Variants in HEATR3 observed in about 807,000 individuals in gnomAD.
HEATR3 encodes the protein HEAT repeat-containing protein 3.
Under a neutral mutation model 72.8 loss-of-function variants are expected in HEATR3, and 56 were observed. That is an observed-to-expected ratio of 0.77 (90% CI 0.62 to 0.96). The LOEUF (loss-of-function observed/expected upper bound fraction) is 0.96. Among genes scored for constraint, HEATR3 ranks in the 40% least tolerant of loss-of-function variants. HEATR3 has a pLI of 0.00. For missense variants in HEATR3, 747 were observed against 831.4 expected, an observed-to-expected ratio of 0.90 and a Z score of 1.25; for synonymous variants, 331 against 318.1, an observed-to-expected ratio of 1.04 and a Z score of -0.43.
chr16:50,091,334 G>T (rs967934583), intron 11 of HEATR3, among the ~76,000 whole-genome samples: 2 of 151,784 alleles, frequency 1.3e-5, no homozygotes, highest in African/African-American at 4.8e-5. Flanking sequence ...GGGCGTAATG[G>T]TGCATGCCTG....
chr16:50,100,586 A>G (rs760447313), intron 13 of HEATR3: 3 of 512,052 alleles, frequency 5.9e-6, no homozygotes, highest in Non-Finnish European at 1.0e-5. Flanking sequence ...CACATTTTAC[A>G]ATTTAACGTT....
chr16:50,070,087 A>T (rs2036577511), intron 3 of HEATR3, 91 bp from the exon 4 acceptor site: 1 of 551,680 alleles, frequency 1.8e-6, no homozygotes, highest in African/African-American at 2.0e-5. Context: ...GTAATTTCTG[A>T]TGTCTAGCCT....
chr16:50,088,202 C>T (rs1271224915), intron 11 of HEATR3, among the ~76,000 whole-genome samples: 1 of 152,186 alleles, frequency 6.6e-6, no homozygotes, highest in Non-Finnish European at 1.5e-5. Flanking sequence ...TGTTGGTCCC[C>T]AGTTCTTTAG....
chr16:50,101,746 C>T (rs554877496), intron 13 of HEATR3, among the ~76,000 whole-genome samples: 2 of 152,038 alleles, frequency 1.3e-5, no homozygotes, highest in East Asian at 3.9e-4. Context: ...TCAGATCAGT[C>T]CTATTTTACG....
chr16:50,087,835 T>G lies in HEATR3; in HGVS notation c.1510+1484T>G, dbSNP rs1204328444. ...ACATTAAGTCCAAGAATTGAACTCT[T>G]AAAAGATCAGGCCAGGCGCGGTGGC... On this transcript the variant is annotated intron_variant, in intron 11 of 14. Transcript: ENST00000299192. 1.7e-4 allele frequency among the ~76,000 whole-genome samples: 26 copies of G among 152,282 alleles called. 1 individual carries two copies. The highest frequency in any genetic ancestry group is 3.4e-3 in the Middle Eastern group (1 of 294).
chr16:50,096,354 G>T (rs12926652), intron 12 of HEATR3, among the ~76,000 whole-genome samples: 10 of 143,172 alleles, frequency 7.0e-5, no homozygotes, highest in Non-Finnish European at 1.5e-4. Context: ...AACAGAAAAA[G>T]AAAAAAACGT....
In HEATR3 at chr16:50,106,728, C is replaced by T. The variant is rs2037494632; in HGVS notation, c.*1667C>T. 1 of 152,106 alleles carries T rather than the reference C, an allele frequency of 6.6e-6. No individual in the cohort carries two copies. The highest frequency in any genetic ancestry group is 6.6e-5 in the Admixed American group (1 of 15,244). The allele number at this position is 152,106 out of a possible 1,614,324, so 9.4% of individuals were successfully genotyped here. A position where few individuals can be genotyped will look rare whatever the true frequency, so the allele number is the denominator to read the frequency against. ...CTGACAAAAGGCCCAATCCCCAGTA[C>T]AGGACTTAATTTTAATTCACTGCTT... On this transcript the variant is annotated 3_prime_UTR_variant, in exon 15 of 15. Coordinates refer to ENST00000299192, the MANE Select transcript of HEATR3 (RefSeq NM_182922.4).
Position 50,102,367 on chromosome 16 carries a change from G to T in HEATR3, c.1852G>T (p.Glu618Ter). 1.2e-6 allele frequency: 2 copies of T among 1,614,106 alleles called. No homozygotes were observed. Among genetic ancestry groups the T allele is most frequent in the Non-Finnish European group, 1.7e-6 (2 of 1,179,996 alleles). ...TGTTTTTGCAGATGGTAAAGAAGCC[G>T]AAAGAGCCTCGATTCAAATTAAATT... ...FDVFADGKEA[E>*]RASIQIKLLS... is the part of the protein sequence containing the mutation. Residue 618 changes from glutamate to a stop codon, truncating the protein, a stop_gained, in exon 14 of 15, where the codon GAA (glutamate) becomes TAA (stop). Coordinates refer to ENST00000299192, the MANE Select transcript of HEATR3 (RefSeq NM_182922.4). LOFTEE classifies it high-confidence loss of function.
At chr16:50,094,322 A>T (rs1378845328) in intron 11 of HEATR3, among the ~76,000 whole-genome samples, 1 of 152,088 alleles carries the variant, frequency 6.6e-6, no homozygotes, top group Non-Finnish European at 1.5e-5. Context: ...AAGCATTCTG[A>T]CTCCACCAAA....
At position 50,107,222 on chromosome 16, in the gene HEATR3, G is replaced by A. The variant is rs184739894; in HGVS notation, c.*2161G>A. The stretch of plus-strand genomic sequence containing the variant: ...TTAGCACAGGACCTAGTATATAGTC[G>A]ACTCTTCATAAATATTTGTTGAGTA... On this transcript the variant is annotated 3_prime_UTR_variant, in exon 15 of 15. Transcript: ENST00000299192. 6.6e-6 allele frequency among the ~76,000 whole-genome samples: 1 copy of A among 152,182 alleles called. No homozygotes were observed. The highest frequency in any genetic ancestry group is 1.5e-5 in the Non-Finnish European group (1 of 68,022).
rs1026504238 is a variant in HEATR3 at position 50,100,256 on chromosome 16, A to T, written c.1626A>T (p.Thr542=). The T allele has an allele frequency of 6.2e-7, 1 of 1,614,040 alleles. No individual in the cohort carries two copies. Among genetic ancestry groups the T allele is most frequent in the Admixed American group, 1.7e-5 (1 of 60,026 alleles). The part of the protein sequence containing the change: ...SQCMTPDQLM[T]LCKAGIHSSN... ...GCATGACTCCTGATCAGCTGATGAC[A>T]TTATGCAAAGCAGGCATTCATAGTA... Residue 542 remains threonine, a synonymous_variant, in exon 13 of 15, where the codon ACA becomes ACT. Transcript: ENST00000299192.
chr16:50,100,463 C>A, intron 13 of HEATR3, 90 bp downstream of exon 13: 1 of 1,309,090 alleles, frequency 7.6e-7, no homozygotes, highest in Non-Finnish European at 1.1e-6. Context: ...CTTGTGTGGA[C>A]TTGAAGAGAA....
At position 50,106,242 on chromosome 16, in the gene HEATR3, T is replaced by G. The variant is rs1329787320; in HGVS notation, c.*1181T>G. The G allele has an allele frequency of 6.6e-6, 1 of 152,174 alleles. No individual in the cohort carries two copies. Among genetic ancestry groups the G allele is most frequent in the Non-Finnish European group, 1.5e-5 (1 of 68,034 alleles). 9.4% of individuals were successfully genotyped at this position (152,174 alleles called of 1,614,324 possible). On this transcript the variant is annotated 3_prime_UTR_variant, in exon 15 of 15. Transcript: ENST00000299192. ...TGAATTTCTATTTCACTTACTAGAT[T>G]ATACTAATGAGCTAATGGGGTCATT...
rs775455169 is a variant in HEATR3, at chr16:50,084,248, A to T, written c.1247A>T (p.His416Leu). The T allele has an allele frequency of 6.2e-7, 1 of 1,614,142 alleles. No homozygotes were observed. The highest frequency in any genetic ancestry group is 1.1e-5 in the South Asian group (1 of 91,084). ...GQLFSPLCLS[H>L]EVHTALTNYL... ...CTGTTTTCTCCCCTCTGCCTCTCCC[A>T]TGAAGTTCACACGGCTCTCACCAAC... Residue 416 changes from histidine to leucine, a missense_variant, in exon 9 of 15, where the codon CAT (histidine) becomes CTT (leucine). His to Leu is a moderately conservative substitution (Grantham distance 99, BLOSUM62 -3). Transcript: ENST00000299192.
chr16:50,076,200 T>A (rs1323001941), intron 6 of HEATR3, among the ~76,000 whole-genome samples: 5 of 152,168 alleles, frequency 3.3e-5, no homozygotes, highest in Non-Finnish European at 7.3e-5. Flanking sequence ...TTACTTTTTT[T>A]ATTTTTTATT....
chr16:50,066,382 G>T lies in HEATR3; in HGVS notation c.154G>T (p.Ala52Ser), dbSNP rs781727789. 1.9e-6 allele frequency: 3 copies of T among 1,550,212 alleles called. No homozygotes were observed. Among genetic ancestry groups the T allele is most frequent in the Non-Finnish European group, 2.6e-6 (3 of 1,159,318 alleles). The change falls in exon 2 of 15, where the codon GCC (alanine) becomes TCC (serine). Residue 52 changes from alanine to serine, a missense_variant. By Grantham distance (99) the Ala-to-Ser change is moderately conservative (BLOSUM62 1). Transcript: ENST00000299192. ...ELLEKLQHPSAEVRECACAGL... is the reference protein window; with the variant it reads ...ELLEKLQHPSSEVRECACAGL... Reference sequence around the variant, plus strand: ...TCATCCGCAGCTCCAGCACCCGAGCGCCGAGGTCCGCGAGTGCGCCTGCGC... The same window carrying T: ...TCATCCGCAGCTCCAGCACCCGAGCTCCGAGGTCCGCGAGTGCGCCTGCGC...
chr16:50,106,025 A>C lies in HEATR3; in HGVS notation c.*964A>C, dbSNP rs2037481103. 6.6e-6 allele frequency: 1 copy of C among 152,220 alleles called. No homozygotes were observed. Among genetic ancestry groups the C allele is most frequent in the Admixed American group, 6.5e-5 (1 of 15,274 alleles). The allele number at this position is 152,220 out of a possible 1,614,324, so 9.4% of individuals were successfully genotyped here. ...CTCTTAACTAATTCGCCAGCAGTGA[A>C]GAAACTTCAACCAATCATGTTTTCC... On this transcript the variant is annotated 3_prime_UTR_variant, in exon 15 of 15. Coordinates refer to ENST00000299192, the MANE Select transcript of HEATR3 (RefSeq NM_182922.4).
Position 50,102,449 on chromosome 16 carries a change from T to C in HEATR3, c.1920+14T>C, listed in dbSNP as rs1383806131. ...TTTAAAATGAAGGTTTGTAGCCATT[T>C]AACTTATAAATACATAAGTCTGAAC... On this transcript the variant is annotated intron_variant, in intron 14 of 14. Transcript: ENST00000299192. The C allele has an allele frequency of 6.2e-7, 1 of 1,611,282 alleles. No individual in the cohort carries two copies. Among genetic ancestry groups the C allele is most frequent in the Non-Finnish European group, 8.5e-7 (1 of 1,178,338 alleles).
chr16:50,097,608 T>A (rs1015622614), intron 12 of HEATR3, among the ~76,000 whole-genome samples: 1 of 152,032 alleles, frequency 6.6e-6, no homozygotes, highest in African/African-American at 2.4e-5. Context: ...CAATTTGTAA[T>A]TTTCTTGCTT....
Sources: gnomAD v4.1 joint callset for allele counts (sites outside exome capture counted in the v4.1 genomes callset) on GRCh38, gnomAD v4.1.1 for gene constraint, MANE v1.5 for transcripts, NCBI Gene and HGNC (gene_info 2026-07-23, HGNC 2026-07-21) for gene names.